HLTF: variants seen among roughly 807,000 people sequenced by gnomAD.
The protein encoded by HLTF is helicase like transcription factor.
A neutral mutation model predicts 129.4 loss-of-function variants in HLTF; 127 were observed. The observed-to-expected ratio is 0.98, with a 90% confidence interval of 0.85 to 1.14. The LOEUF is 1.14. HLTF is among the 50% of genes most tolerant of loss of function. The pLI is 0.00. For missense variants in HLTF, 1,139 were observed against 1,187.1 expected, an observed-to-expected ratio of 0.96 and a Z score of 0.60; for synonymous variants, 332 against 388.8, an observed-to-expected ratio of 0.85 and a Z score of 1.72.
At chr3:149,050,686 T>G (rs566195753) in intron 14 of HLTF, among the ~76,000 whole-genome samples, 1 of 152,324 alleles carries the variant, frequency 6.6e-6, no homozygotes. Flanking sequence ...GGCCCTTTAA[T>G]GCTGCATTAG....
chr3:149,073,559 T>A (rs577931611), intron 4 of HLTF, among the ~76,000 whole-genome samples: 1 of 152,012 alleles, frequency 6.6e-6, no homozygotes, highest in South Asian at 2.1e-4. Flanking sequence ...CAGAGCGTGA[T>A]GGTGTGCGCC....
intron 15 of HLTF, 149 bp from the exon 16 acceptor site, chr3:149,049,150 C>T (rs531405087): frequency 1.9e-6 from 1 of 514,890 alleles, no homozygotes; most frequent in Non-Finnish European, 3.4e-6. Context: ...ATTGAATACT[C>T]ACAAGTTTAT....
Position 149,068,300 on chromosome 3 carries a change from G to T in HLTF, c.930C>A (p.Thr310=). 6.4e-7 allele frequency: 1 copy of T among 1,567,416 alleles called. No individual in the cohort carries two copies. The highest frequency in any genetic ancestry group is 8.8e-7 in the Non-Finnish European group (1 of 1,142,760). ...KTLTAIAVIL[T]NFHDGRPLPI... ...GAAGAGGTCTGCCATCATGGAAGTT[G>T]GTAAGGATTACTGCAATGGCCGTAA... Residue 310 remains threonine (T), a synonymous_variant, in exon 8 of 25, where the codon ACC becomes ACA. Coordinates refer to ENST00000310053, the MANE Select transcript of HLTF (RefSeq NM_003071.4).
intron 8 of HLTF, among the ~76,000 whole-genome samples, chr3:149,065,078 AAT>A (rs1718243565): frequency 6.6e-6 from 1 of 152,148 alleles, no homozygotes; most frequent in African/African-American, 2.4e-5. Flanking sequence ...AAAAAAAAAA[AAT>A]AAATAAAACT....
intron 4 of HLTF, 148 bp from the exon 5 acceptor site, chr3:149,073,470 G>T: frequency 1.7e-6 from 1 of 594,292 alleles, no homozygotes. Flanking sequence ...AAGGCAGGTG[G>T]TTTGCCTGAG....
chr3:149,062,274 T>C (rs1275727018), intron 10 of HLTF, among the ~76,000 whole-genome samples: 1 of 152,216 alleles, frequency 6.6e-6, no homozygotes, highest in Non-Finnish European at 1.5e-5. Context: ...ATTATTTCTA[T>C]GTCCTTTAAT....
At chr3:149,077,119 G>A (rs902204626) in intron 2 of HLTF, among the ~76,000 whole-genome samples, 30 of 152,054 alleles carry the variant, frequency 2.0e-4, no homozygotes, top group Non-Finnish European at 4.3e-4. Flanking sequence ...GTGGTGGCAC[G>A]CGCCTGTAGT....
In HLTF at chr3:149,039,574, AACTT is replaced by A; in HGVS notation, c.2615+3_2615+6del. 1 of 1,278,630 alleles carries A rather than the reference AACTT, an allele frequency of 7.8e-7. No homozygotes were observed. The highest frequency in any genetic ancestry group is 1.1e-6 in the Non-Finnish European group (1 of 892,974). The allele number at this position is 1,278,630 out of a possible 1,614,324, so 79.2% of individuals were successfully genotyped here. On this transcript the variant is annotated splice_donor_5th_base_variant and intron_variant, in intron 22 of 24. Coordinates refer to ENST00000310053, the MANE Select transcript of HLTF (RefSeq NM_003071.4). Reference sequence around the variant, plus strand: ...TTACTGAAAGTGAAAAACACTGTGGAACTTACTTAAGTGGTATTTCTATTAAAGA... The same window carrying A: ...TTACTGAAAGTGAAAAACACTGTGGAACTTAAGTGGTATTTCTATTAAAGA...
chr3:149,067,224 A>T (rs991519956), intron 8 of HLTF, among the ~76,000 whole-genome samples: 6 of 151,556 alleles, frequency 4.0e-5, no homozygotes, highest in Admixed American at 6.6e-5. Context: ...TTTCAAGAAA[A>T]GTCACCCTTA....
At chr3:149,073,344 G>T in intron 4 of HLTF, 22 bp from the exon 5 acceptor site, 1 of 1,491,078 alleles carries the variant, frequency 6.7e-7, no homozygotes, top group Non-Finnish European at 9.3e-7. Flanking sequence ...AAAATAAAAA[G>T]AATAAAGCCA....
chr3:149,034,784 TGAA>T (rs1300223299), intron 24 of HLTF, 131 bp downstream of exon 24: 4 of 633,618 alleles, frequency 6.3e-6, no homozygotes, highest in South Asian at 1.9e-5. Flanking sequence ...AAATTATTGA[TGAA>T]GGAGGAAAAA....
At chr3:149,077,158 G>A (rs1719433819) in intron 2 of HLTF, among the ~76,000 whole-genome samples, 1 of 152,114 alleles carries the variant, frequency 6.6e-6, no homozygotes, top group Admixed American at 6.6e-5. Context: ...TGAGGCAGGA[G>A]AACCACTTGA....
At chr3:149,050,687 G>A (rs535082312) in intron 14 of HLTF, among the ~76,000 whole-genome samples, 41 of 152,266 alleles carry the variant, frequency 2.7e-4, no homozygotes, top group African/African-American at 9.1e-4. Flanking sequence ...GCCCTTTAAT[G>A]CTGCATTAGT....
At chr3:149,080,961 G>A (rs1269012120) in intron 2 of HLTF, among the ~76,000 whole-genome samples, 1 of 152,104 alleles carries the variant, frequency 6.6e-6, no homozygotes, top group Non-Finnish European at 1.5e-5. Context: ...AGATTATAAT[G>A]GGGCTGCCCT....
At chr3:149,082,302 C>CA (rs1404707352) in intron 2 of HLTF, among the ~76,000 whole-genome samples, 2 of 151,894 alleles carry the variant, frequency 1.3e-5, no homozygotes, top group Admixed American at 6.6e-5. Flanking sequence ...ACCAAAAATA[C>CA]AAAAAAATTA....
Position 149,071,341 on chromosome 3 carries a change from C to T in HLTF, c.805G>A (p.Asp269Asn), listed in dbSNP as rs80336605. ...TTTGTTATTGTGTTATAGTATAAGTCATTTCGCTGTTCCCAGAATGGTGGA... is the reference window on the plus strand; with the variant it reads ...TTTGTTATTGTGTTATAGTATAAGTTATTTCGCTGTTCCCAGAATGGTGGA... ...ELPPFWEQRNDLYYNTITNFS... is the reference protein window; with the variant it reads ...ELPPFWEQRNNLYYNTITNFS... The change falls in exon 7 of 25, where the codon GAC becomes AAC. Residue 269 changes from aspartate (D) to asparagine (N), a missense_variant. Transcript: ENST00000310053. 161 of 1,612,390 alleles carry T rather than the reference C, an allele frequency of 1.0e-4. 1 individual carries two copies. The East Asian group carries it at 3.4e-3, about 34-fold the overall frequency.
intron 14 of HLTF, among the ~76,000 whole-genome samples, chr3:149,055,015 A>G (rs1301848289): frequency 6.6e-6 from 1 of 152,254 alleles, no homozygotes; most frequent in Non-Finnish European, 1.5e-5. Context: ...GTCAAACTAT[A>G]CATCTTTCCC....
chr3:149,082,423 C>A (rs1719951876), intron 2 of HLTF, among the ~76,000 whole-genome samples: 1 of 152,126 alleles, frequency 6.6e-6, no homozygotes, highest in East Asian at 1.9e-4. Flanking sequence ...CCCGCCACTG[C>A]GCTCCAGCCT....
chr3:149,084,831 G>A lies in HLTF; in HGVS notation c.79C>T (p.Arg27Cys), dbSNP rs746401140. The change falls in exon 2 of 25, where the codon CGC becomes TGC. Residue 27 changes from arginine to cysteine, a missense_variant. By Grantham distance (180) the Arg-to-Cys change is radical. Coordinates refer to ENST00000310053, the MANE Select transcript of HLTF (RefSeq NM_003071.4). Reference protein sequence around the residue: ...VQYGVHGNFPRLSYPTFFPRF... With the variant: ...VQYGVHGNFPCLSYPTFFPRF... ...GGAAAGAAAGTTGGATATGAGAGGCGTGGAAAATTTCCATGAACTCCATAC... is the reference window on the plus strand; with the variant it reads ...GGAAAGAAAGTTGGATATGAGAGGCATGGAAAATTTCCATGAACTCCATAC... 5.0e-6 allele frequency: 8 copies of A among 1,613,924 alleles called. No individual in the cohort carries two copies. The highest frequency in any genetic ancestry group is 2.2e-5 in the East Asian group (1 of 44,876).
Sources: allele counts gnomAD v4.1 joint callset (sites outside exome capture counted in the v4.1 genomes callset), GRCh38; gene constraint gnomAD v4.1.1; transcripts MANE v1.5; gene names NCBI Gene and HGNC (gene_info 2026-07-23, HGNC 2026-07-21).